The following AKT2 variants were observed in gnomAD, a reference collection of about 807,000 sequenced individuals.
AKT2 encodes the protein AKT serine/threonine kinase 2, also known as RAC-beta serine/threonine-protein kinase.
Under a neutral mutation model 58.6 loss-of-function variants are expected in AKT2, and 16 were observed. The ratio of observed to expected loss-of-function variants is 0.27; its 90% CI spans 0.18 to 0.41. The LOEUF is 0.41. Among genes scored for constraint, AKT2 ranks in the 10% least tolerant of loss-of-function variants. The probability of loss-of-function intolerance (pLI) is 1.00; values close to 1 mark genes in which losing one functional copy is unlikely to be tolerated. For missense variants in AKT2, 438 were observed against 661.0 expected, an observed-to-expected ratio of 0.66 and a Z score of 3.70; for synonymous variants, 253 against 254.0, an observed-to-expected ratio of 1.00 and a Z score of 0.04.
rs1183855733 is a variant in AKT2 at position 40,232,695 on chromosome 19, A to C, written c.*1177T>G. 1 of 233,292 alleles carries C rather than the reference A, an allele frequency of 4.3e-6. No individual in the cohort carries two copies. The highest frequency in any genetic ancestry group is 2.2e-5 in the African/African-American group (1 of 45,304). 14.5% of individuals were successfully genotyped at this position (233,292 alleles called of 1,614,324 possible). A position where few individuals can be genotyped will look rare whatever the true frequency, so the allele number is the denominator to read the frequency against. On this transcript the variant is annotated 3_prime_UTR_variant, in exon 14 of 14. Coordinates refer to ENST00000392038, the MANE Select transcript of AKT2 (RefSeq NM_001626.6). ...GGGCCCAAGCCCACACACCATGCAC[A>C]CTGGAGGACACGCTGCCCTCACACA...
chr19:40,267,286 C>T (rs1600090673), intron 1 of AKT2, among the ~76,000 whole-genome samples: 2 of 152,200 alleles, frequency 1.3e-5, no homozygotes, highest in South Asian at 2.1e-4. Flanking sequence ...TGCTGCCCTG[C>T]GTTCCAGGTG....
chr19:40,255,379 C>G (rs1975466418), intron 3 of AKT2, 110 bp from the exon 4 acceptor site: 1 of 818,906 alleles, frequency 1.2e-6, no homozygotes, highest in African/African-American at 1.7e-5. Flanking sequence ...CTAGATGGTG[C>G]TGGGGACACT....
chr19:40,241,947 G>T lies in AKT2; in HGVS notation c.564C>A (p.Ile188=). Residue 188 remains isoleucine (I), a synonymous_variant, in exon 6 of 14, where the codon ATC becomes ATA. Transcript: ENST00000392038. The part of the protein sequence containing the change: ...YAMKILRKEV[I]IAKDEVAHTV... ...TTCCCGGGGCACGCACCTTGGCAAT[G>T]ATGACTTCCTTCCGCAGGATCTTCA... 6.2e-7 allele frequency: 1 copy of T among 1,614,072 alleles called. No individual in the cohort carries two copies.
intron 4 of AKT2, among the ~76,000 whole-genome samples, chr19:40,245,453 C>T (rs987637124): frequency 2.6e-5 from 4 of 152,162 alleles, no homozygotes; most frequent in African/African-American, 9.7e-5. Context: ...TGAACTTCTG[C>T]AGACACATGC....
intron 6 of AKT2, 132 bp downstream of exon 6, chr19:40,241,806 T>C: frequency 1.4e-6 from 2 of 1,387,372 alleles, no homozygotes; most frequent in South Asian, 2.5e-5. Flanking sequence ...CCCCCTTTTC[T>C]GACTAGGGGG....
chr19:40,238,105 G>C lies in AKT2; in HGVS notation c.709-14C>G. The C allele has an allele frequency of 6.3e-7, 1 of 1,587,098 alleles. No individual in the cohort carries two copies. Among genetic ancestry groups the C allele is most frequent in the Non-Finnish European group, 8.6e-7 (1 of 1,167,290 alleles). On this transcript the variant is annotated splice_polypyrimidine_tract_variant and intron_variant, in intron 8 of 13. Transcript: ENST00000392038. The surrounding 1 kb of genome is among the most constrained non-coding windows in gnomAD (Gnocchi z 5.1). ...GTGGAAGAACAGCTGCAGGAGGAAG[G>C]GGTGGGGAGAGGAGGTCAGGCCCCA...
chr19:40,260,175 C>CA (rs1182475252), intron 2 of AKT2, among the ~76,000 whole-genome samples: 2 of 150,900 alleles, frequency 1.3e-5, no homozygotes, highest in East Asian at 2.0e-4. Flanking sequence ...AAAACAAAAA[C>CA]AAAAAAATCC....
chr19:40,276,564 C>T (rs2077329706), intron 1 of AKT2, among the ~76,000 whole-genome samples: 1 of 151,672 alleles, frequency 6.6e-6, no homozygotes, highest in African/African-American at 2.4e-5. Context: ...CAGGGTTTCA[C>T]CATCTTGGCC....
intron 1 of AKT2, chr19:40,274,027 C>T (rs1382323715): frequency 6.5e-6 from 1 of 152,770 alleles, no homozygotes; most frequent in Non-Finnish European, 1.5e-5. Context: ...ACCCCAAGAC[C>T]TTTGCACATG....
At chr19:40,257,193 G>A (rs1398866109) in intron 2 of AKT2, 139 bp from the exon 3 acceptor site, 3 of 1,175,978 alleles carry the variant, frequency 2.6e-6, no homozygotes, top group Non-Finnish European at 3.7e-6. Flanking sequence ...ACACGAGAAT[G>A]CCTCTCCCAG....
At chr19:40,280,587 T>C (rs1276031684) in intron 1 of AKT2, among the ~76,000 whole-genome samples, 3 of 152,124 alleles carry the variant, frequency 2.0e-5, no homozygotes, top group African/African-American at 7.2e-5. Context: ...AGGCTCCCAG[T>C]GAAAGGGCCC....
rs921941449 is a variant in AKT2, at chr19:40,232,776, G to A, written c.*1096C>T. On this transcript the variant is annotated 3_prime_UTR_variant, in exon 14 of 14. Coordinates refer to ENST00000392038, the MANE Select transcript of AKT2 (RefSeq NM_001626.6). Reference sequence around the variant, plus strand: ...TGCGTCCCGCCGACACACGCAGTCCGAGGCACGCACAGGAGTCCCACAGCA... The same window carrying A: ...TGCGTCCCGCCGACACACGCAGTCCAAGGCACGCACAGGAGTCCCACAGCA... 1.7e-5 allele frequency: 4 copies of A among 233,570 alleles called. No individual in the cohort carries two copies. The highest frequency in any genetic ancestry group is 3.4e-5 in the Non-Finnish European group (4 of 118,260). The allele number at this position is 233,570 out of a possible 1,614,324, so 14.5% of individuals were successfully genotyped here. A position where few individuals can be genotyped will look rare whatever the true frequency, so the allele number is the denominator to read the frequency against.
intron 2 of AKT2, among the ~76,000 whole-genome samples, chr19:40,257,789 A>T (rs942989662): frequency 6.6e-6 from 1 of 152,242 alleles, no homozygotes; most frequent in Non-Finnish European, 1.5e-5. Context: ...TAGCAGATTC[A>T]TACAACGGAA....
chr19:40,264,488 C>A (rs552199119), intron 2 of AKT2, among the ~76,000 whole-genome samples: 1 of 152,264 alleles, frequency 6.6e-6, no homozygotes, highest in South Asian at 2.1e-4. Flanking sequence ...CCTGCAGGCG[C>A]GACACAGCTG....
chr19:40,237,922 G>A lies in AKT2; in HGVS notation c.831+47C>T. 6.2e-7 allele frequency: 1 copy of A among 1,609,090 alleles called. No individual in the cohort carries two copies. The highest frequency in any genetic ancestry group is 8.5e-7 in the Non-Finnish European group (1 of 1,178,426). On this transcript the variant is annotated intron_variant, in intron 9 of 13. Transcript: ENST00000392038. This position sits in a 1 kb window ranked among gnomAD's most constrained non-coding sequence, Gnocchi z 4.5. ...CCAACTTCCCCAGTGTGAGTCCCAT[G>A]TGGTGTGCATGCCACAGGTCAGCCT... is the stretch of plus-strand genomic sequence containing the variant.
intron 2 of AKT2, among the ~76,000 whole-genome samples, chr19:40,263,472 A>G (rs1401709655): frequency 6.6e-6 from 1 of 152,224 alleles, no homozygotes; most frequent in African/African-American, 2.4e-5. Flanking sequence ...ATGTGAAACC[A>G]AGGCTCAGTG....
chr19:40,241,815 G>T (rs1258037612), intron 6 of AKT2, 123 bp downstream of exon 6: 3 of 1,443,412 alleles, frequency 2.1e-6, no homozygotes, highest in Admixed American at 3.8e-5. Context: ...CTGACTAGGG[G>T]GAATTTGTGG....
rs1202151156 is a variant in AKT2, at chr19:40,232,214, G to A, written c.*1658C>T. ...CCCAGCTGCCCTCACCCTGAGCTCA[G>A]TGCCCTCCTTGCTGAAGGGAACGGC... On this transcript the variant is annotated 3_prime_UTR_variant, in exon 14 of 14. Transcript: ENST00000392038. 4.3e-6 allele frequency: 1 copy of A among 233,606 alleles called. No individual in the cohort carries two copies. The highest frequency in any genetic ancestry group is 2.2e-5 in the African/African-American group (1 of 45,302). The allele number at this position is 233,606 out of a possible 1,614,324, so 14.5% of individuals were successfully genotyped here.
Position 40,242,786 on chromosome 19 carries a change from G to GC in AKT2, c.288-100dup. 7.5e-7 allele frequency: 1 copy of GC among 1,328,334 alleles called. No individual in the cohort carries two copies. Among genetic ancestry groups the GC allele is most frequent in the South Asian group, 1.2e-5 (1 of 81,810 alleles). 82.3% of individuals were successfully genotyped at this position (1,328,334 alleles called of 1,614,324 possible). On this transcript the variant is annotated intron_variant, in intron 4 of 13. Coordinates refer to ENST00000392038, the MANE Select transcript of AKT2 (RefSeq NM_001626.6). This position sits in a 1 kb window ranked among gnomAD's most constrained non-coding sequence, Gnocchi z 4.3. ...CCCAGCCACCCCCAGCAACAGGCAA[G>GC]CAAATGACCACATAACCATGGGAAT...
Sources: gnomAD v4.1 joint callset for allele counts (sites outside exome capture counted in the v4.1 genomes callset) on GRCh38, gnomAD v4.1.1 for gene constraint, Gnocchi (gnomAD v3.1) non-coding constraint, MANE v1.5 for transcripts, NCBI Gene and HGNC (gene_info 2026-07-23, HGNC 2026-07-21) for gene names.